Variants in FNBP1 observed in about 807,000 individuals in gnomAD.
FNBP1 encodes the protein formin-binding protein 1.
FNBP1 carries 26 observed loss-of-function variants against 90.6 expected under a neutral mutation model. That is an observed-to-expected ratio of 0.29 (90% CI 0.21 to 0.40). FNBP1 has a LOEUF of 0.40. Among genes scored for constraint, FNBP1 ranks in the 10% least tolerant of loss-of-function variants. FNBP1 has a pLI of 1.00. For missense variants in FNBP1, 635 were observed against 768.0 expected, an observed-to-expected ratio of 0.83 and a Z score of 2.05; for synonymous variants, 260 against 265.2, an observed-to-expected ratio of 0.98 and a Z score of 0.19.
chr9:129,913,733 TGCACTCCAGCCTGGGGGACA>T (rs1245457602), intron 11 of FNBP1, among the ~76,000 whole-genome samples: 1 of 151,876 alleles, frequency 6.6e-6, no homozygotes, highest in Non-Finnish European at 1.5e-5. Context: ...ATCGCGCCAC[TGCACTCCAGCCTGGGGGACA>T]GAGCGAGACT....
rs1322024739 is a variant in FNBP1, at chr9:129,925,126, G to A, written c.821C>T (p.Ser274Leu). ...AATGTCTCCAGGAGGCTCAAACCCT[G>A]ATTTATAAGCTTCTATTACCAGCTG... ...DSQLVIEAYK[S>L]GFEPPGDIEF... The change falls in exon 9 of 17, where the codon TCA (serine) becomes TTA (leucine). Residue 274 changes from serine (S) to leucine (L), a missense_variant. Transcript: ENST00000446176. 3 of 1,613,532 alleles carry A rather than the reference G, an allele frequency of 1.9e-6. No individual in the cohort carries two copies. Among genetic ancestry groups the A allele is most frequent in the Non-Finnish European group, 8.5e-7 (1 of 1,179,622 alleles).
the FNBP1 span, chr9:130,053,845 G>A: frequency 1.0e-3 from 1,311 of 1,304,454 alleles, 11 homozygotes; most frequent in African/African-American, 0.017. Flanking sequence ...TAGCCGCCGA[G>A]CCCCGCTCCC....
chr9:129,904,916 C>T (rs1158339941), intron 12 of FNBP1, among the ~76,000 whole-genome samples: 2 of 152,002 alleles, frequency 1.3e-5, no homozygotes, highest in Admixed American at 6.6e-5. Context: ...TAAATAAATA[C>T]ATATTTAAAT....
Position 130,012,670 on chromosome 9 carries a change from C to T in FNBP1, c.25-17712G>A, listed in dbSNP as rs375754284. On this transcript the variant is annotated intron_variant, in intron 1 of 16. Coordinates refer to ENST00000446176, the MANE Select transcript of FNBP1 (RefSeq NM_015033.3). Reference sequence around the variant, plus strand: ...TTGTTTTTTAATTGAGATGGAGTCTCGCTCTGTCGCCCAGGCTGGAGTGCA... The same window carrying T: ...TTGTTTTTTAATTGAGATGGAGTCTTGCTCTGTCGCCCAGGCTGGAGTGCA... Among the ~76,000 whole-genome samples, 16 of 152,212 alleles carry T rather than the reference C, an allele frequency of 1.1e-4. 1 individual carries two copies. The East Asian group carries it at 2.7e-3, about 26-fold the overall frequency.
chr9:129,905,913 T>TAA (rs2037968141), intron 12 of FNBP1, among the ~76,000 whole-genome samples: 1 of 151,940 alleles, frequency 6.6e-6, no homozygotes, highest in Non-Finnish European at 1.5e-5. Flanking sequence ...GACTGAGTTT[T>TAA]GCTCTTGTTG....
chr9:129,968,111 A>G (rs543812602), intron 4 of FNBP1, among the ~76,000 whole-genome samples: 2 of 152,064 alleles, frequency 1.3e-5, no homozygotes, highest in Non-Finnish European at 2.9e-5. Flanking sequence ...AACAAAGAAG[A>G]TGGCTGGGCA....
chr9:130,003,923 C>A (rs199637105), intron 1 of FNBP1, among the ~76,000 whole-genome samples: 615 of 110,194 alleles, frequency 5.6e-3, no homozygotes, highest in Non-Finnish European at 6.1e-3. Context: ...GACTCCGCCT[C>A]AAAAAAAAAA....
rs548914006 is a variant in FNBP1 at position 129,888,424 on chromosome 9, A to G, written c.*2115T>C. ...AGCTGTGGGGACTGCCACACTCACCATGCACCTGTTGGTTTGCAGGGACAG... is the reference window on the plus strand; with the variant it reads ...AGCTGTGGGGACTGCCACACTCACCGTGCACCTGTTGGTTTGCAGGGACAG... On this transcript the variant is annotated 3_prime_UTR_variant, in exon 17 of 17. Transcript: ENST00000446176. 3.9e-4 allele frequency: 90 copies of G among 232,692 alleles called. No individual in the cohort carries two copies. Among genetic ancestry groups the G allele is most frequent in the Middle Eastern group, 1.3e-3 (1 of 782 alleles). The allele number at this position is 232,692 out of a possible 1,614,324, so 14.4% of individuals were successfully genotyped here.
chr9:129,931,325 T>A (rs2042700855), intron 6 of FNBP1, among the ~76,000 whole-genome samples: 1 of 151,952 alleles, frequency 6.6e-6, no homozygotes, highest in South Asian at 2.1e-4. Context: ...ATAAATTGGC[T>A]GGGCGCGGTG....
chr9:130,000,952 T>C (rs1378481588), intron 1 of FNBP1, among the ~76,000 whole-genome samples: 2 of 152,228 alleles, frequency 1.3e-5, no homozygotes, highest in Non-Finnish European at 2.9e-5. Flanking sequence ...TAAAAAGATG[T>C]ATCTTCAAGG....
intron 1 of FNBP1, among the ~76,000 whole-genome samples, chr9:130,009,838 C>T (rs1377740758): frequency 3.3e-5 from 5 of 151,476 alleles, no homozygotes; most frequent in Non-Finnish European, 7.4e-5. Flanking sequence ...CCTGGCATGG[C>T]GGCACGCACC....
chr9:129,980,306 G>A (rs1384292478), intron 2 of FNBP1, among the ~76,000 whole-genome samples: 1 of 149,742 alleles, frequency 6.7e-6, no homozygotes, highest in East Asian at 2.0e-4. Flanking sequence ...GTTTCGGTGA[G>A]CCGAGATCGC....
At chr9:130,025,195 C>T (rs1330341587) in intron 1 of FNBP1, among the ~76,000 whole-genome samples, 2 of 151,682 alleles carry the variant, frequency 1.3e-5, no homozygotes, top group Non-Finnish European at 2.9e-5. Flanking sequence ...AAAAAATAGT[C>T]CCTGACATTT....
chr9:130,053,620 A>G, the FNBP1 span: 1 of 414,002 alleles, frequency 2.4e-6, no homozygotes, highest in Non-Finnish European at 4.4e-6. Flanking sequence ...CCGGAGCCCA[A>G]GGTCGCTTCC....
intron 1 of FNBP1, among the ~76,000 whole-genome samples, chr9:130,040,987 TTTTTCTTTTTTC>T (rs2059770140): frequency 4.0e-5 from 6 of 149,572 alleles, no homozygotes; most frequent in South Asian, 4.2e-4. Flanking sequence ...ATTTTTTTCT[TTTTTCTTTTTTC>T]TTTTCTTTTT....
chr9:130,018,586 G>T (rs2057492723), intron 1 of FNBP1, among the ~76,000 whole-genome samples: 1 of 150,470 alleles, frequency 6.6e-6, no homozygotes, highest in African/African-American at 2.4e-5. Context: ...TTTATTTAGA[G>T]ACAGTCTCAC....
chr9:129,946,993 G>C (rs748774895), intron 6 of FNBP1, among the ~76,000 whole-genome samples: 2 of 152,110 alleles, frequency 1.3e-5, no homozygotes, highest in Non-Finnish European at 2.9e-5. Flanking sequence ...CAAAGATTAG[G>C]TGTAGCCTCT....
chr9:129,944,414 G>A (rs1001393583), intron 6 of FNBP1, among the ~76,000 whole-genome samples: 6 of 151,364 alleles, frequency 4.0e-5, no homozygotes, highest in African/African-American at 1.2e-4. Flanking sequence ...CGTGGTGGGC[G>A]CCTGTAGTCC....
intron 3 of FNBP1, 140 bp downstream of exon 3, chr9:129,979,178 T>C (rs2130904449): frequency 1.8e-6 from 1 of 547,660 alleles, no homozygotes; most frequent in Non-Finnish European, 3.3e-6. Flanking sequence ...ATGTTTTTAT[T>C]GTTCTCTCCT....
Sources: allele counts gnomAD v4.1 joint callset (sites outside exome capture counted in the v4.1 genomes callset), GRCh38; gene constraint gnomAD v4.1.1; transcripts MANE v1.5; gene names NCBI Gene and HGNC (gene_info 2026-07-23, HGNC 2026-07-21).